EXOC4: variants seen among roughly 807,000 people sequenced by gnomAD.
EXOC4 encodes exocyst complex component 4.
A neutral mutation model predicts 107.2 loss-of-function variants in EXOC4; 71 were observed. That is an observed-to-expected ratio of 0.66 (90% confidence interval 0.55 to 0.81). The LOEUF is 0.81. Ranked by LOEUF, EXOC4 falls within the 30% of genes least tolerant of loss-of-function variation. The pLI, the probability that EXOC4 is intolerant of heterozygous loss-of-function variation, is 0.00. For missense variants in EXOC4, 1,108 were observed against 1,189.6 expected (o/e 0.93, Z 1.01); for synonymous variants, 456 against 441.2 (o/e 1.03, Z -0.42).
chr7:133,758,871 G>C (rs1795972828), intron 10 of EXOC4, among the ~76,000 whole-genome samples: 1 of 152,100 alleles, frequency 6.6e-6, no homozygotes, highest in Non-Finnish European at 1.5e-5. Context: ...GTAGACTACA[G>C]AGGACAAAGA....
At chr7:133,338,047 A>G (rs1304568465) in intron 5 of EXOC4, among the ~76,000 whole-genome samples, 26 of 141,942 alleles carry the variant, frequency 1.8e-4, no homozygotes, top group Admixed American at 1.8e-3. Flanking sequence ...TAGGATTTTG[A>G]TTTATTGATC....
intron 9 of EXOC4, among the ~76,000 whole-genome samples, chr7:133,625,848 T>C (rs1455800284): frequency 6.6e-6 from 1 of 152,076 alleles, no homozygotes; most frequent in East Asian, 1.9e-4. Flanking sequence ...ACTATAAATA[T>C]AATGAAGGGA....
intron 2 of EXOC4, among the ~76,000 whole-genome samples, chr7:133,286,537 C>G (rs1584779287): frequency 6.6e-6 from 1 of 152,170 alleles, no homozygotes; most frequent in Admixed American, 6.5e-5. Context: ...AAGAGGCAGG[C>G]ACTACAAACC....
intron 9 of EXOC4, among the ~76,000 whole-genome samples, chr7:133,514,204 G>T (rs893534270): frequency 1.3e-5 from 2 of 150,188 alleles, no homozygotes; most frequent in African/African-American, 4.9e-5. Flanking sequence ...TCGCTCTGTC[G>T]CCCAGGCTGG....
intron 10 of EXOC4, among the ~76,000 whole-genome samples, chr7:133,736,048 G>A (rs557943665): frequency 6.6e-6 from 1 of 151,698 alleles, no homozygotes; most frequent in Non-Finnish European, 1.5e-5. Flanking sequence ...TGCATCGCAC[G>A]ACTACACTCC....
At chr7:133,779,032 T>G (rs10231722) in intron 10 of EXOC4, among the ~76,000 whole-genome samples, 2,609 of 152,282 alleles carry the variant, frequency 0.017, 74 homozygotes, top group African/African-American at 0.059. Flanking sequence ...CTTAGAAGAT[T>G]TGAGATAATG....
intron 10 of EXOC4, among the ~76,000 whole-genome samples, chr7:133,784,199 CAATGGCGAAGTAGA>C (rs1796523547): frequency 1.3e-5 from 2 of 151,942 alleles, no homozygotes; most frequent in Admixed American, 1.3e-4. Context: ...TCTTACTAGG[CAATGGCGAAGTAGA>C]AATGCTTGTA....
At chr7:133,670,193 T>C (rs1199797135) in intron 10 of EXOC4, among the ~76,000 whole-genome samples, 1 of 152,188 alleles carries the variant, frequency 6.6e-6, no homozygotes, top group Non-Finnish European at 1.5e-5. Context: ...CTATATTAAC[T>C]TATCTCAGGT....
At chr7:133,836,589 C>G (rs948615402) in intron 11 of EXOC4, among the ~76,000 whole-genome samples, 1 of 152,178 alleles carries the variant, frequency 6.6e-6, no homozygotes, top group Admixed American at 6.5e-5. Flanking sequence ...CCTTTTGCTC[C>G]TCTCTCTAAA....
intron 7 of EXOC4, among the ~76,000 whole-genome samples, chr7:133,379,200 T>C (rs1430291300): frequency 6.6e-6 from 1 of 152,140 alleles, no homozygotes; most frequent in Non-Finnish European, 1.5e-5. Context: ...CTCTGCTGTC[T>C]ATATTCTTGT....
chr7:133,771,324 T>C (rs1216989386), intron 10 of EXOC4: 2 of 151,980 alleles, frequency 1.3e-5, no homozygotes, highest in Non-Finnish European at 2.9e-5. Context: ...TGGATCCATT[T>C]GGAGAAGCTG....
chr7:133,906,924 T>C (rs980549972), intron 12 of EXOC4, among the ~76,000 whole-genome samples: 2 of 152,168 alleles, frequency 1.3e-5, no homozygotes, highest in African/African-American at 4.8e-5. Flanking sequence ...AATAGAACTG[T>C]TACACTCACC....
intron 5 of EXOC4, among the ~76,000 whole-genome samples, chr7:133,324,366 C>G (rs937855708): frequency 6.6e-6 from 1 of 152,244 alleles, no homozygotes; most frequent in African/African-American, 2.4e-5. Flanking sequence ...ACATTTCCCT[C>G]TACACACTGC....
intron 17 of EXOC4, among the ~76,000 whole-genome samples, chr7:134,019,549 GAAT>G (rs1794984182): frequency 6.6e-6 from 1 of 152,036 alleles, no homozygotes. Context: ...TTGGTTCACT[GAAT>G]GTCCCTGAAA....
chr7:133,839,473 G>A (rs576702893), intron 11 of EXOC4, among the ~76,000 whole-genome samples: 5 of 152,304 alleles, frequency 3.3e-5, no homozygotes, highest in East Asian at 1.9e-4. Flanking sequence ...GGTGAAAAAT[G>A]TATGCTCTTA....
At position 133,253,197 on chromosome 7, in the gene EXOC4, G is replaced by A. The variant is rs1225411494; in HGVS notation, c.86+10G>A. Reference sequence around the variant, plus strand: ...TCATCTCTGTGATCAGGTGAGGGAGGCAGGAGGCAGGGTCTGGGGACTGGG... The same window carrying A: ...TCATCTCTGTGATCAGGTGAGGGAGACAGGAGGCAGGGTCTGGGGACTGGG... On this transcript the variant is annotated intron_variant, in intron 1 of 17. Transcript: ENST00000253861. 2 of 1,612,950 alleles carry A rather than the reference G, an allele frequency of 1.2e-6. No individual in the cohort carries two copies.
intron 9 of EXOC4, among the ~76,000 whole-genome samples, chr7:133,512,771 C>T (rs554339379): frequency 3.3e-5 from 5 of 152,290 alleles, no homozygotes; most frequent in East Asian, 1.9e-4. Context: ...ACTCCTTCTA[C>T]GCCTCAGTCT....
chr7:134,020,344 C>T (rs1021745814), intron 17 of EXOC4, among the ~76,000 whole-genome samples: 29 of 152,274 alleles, frequency 1.9e-4, no homozygotes, highest in East Asian at 3.9e-4. Context: ...GCAGAAATAC[C>T]GGCCCTGACC....
chr7:133,883,628 CA>C (rs1242866380), intron 11 of EXOC4, among the ~76,000 whole-genome samples: 1 of 151,460 alleles, frequency 6.6e-6, no homozygotes, highest in Non-Finnish European at 1.5e-5. Context: ...GACCCCATCT[CA>C]GGGGGAAAAA....
Sources: gnomAD v4.1 joint callset for allele counts (sites outside exome capture counted in the v4.1 genomes callset) on GRCh38, gnomAD v4.1.1 for gene constraint, MANE v1.5 for transcripts, NCBI Gene and HGNC (gene_info 2026-07-23, HGNC 2026-07-21) for gene names.